Variants in CERT1 observed in about 807,000 individuals in gnomAD.
The protein encoded by CERT1 is ceramide transfer protein.
Under a neutral mutation model 87.9 loss-of-function variants are expected in CERT1, and 31 were observed. The observed-to-expected ratio is 0.35, with a 90% confidence interval of 0.27 to 0.48. CERT1 has a LOEUF of 0.48. CERT1 is among the 20% of genes least tolerant of loss of function. The pLI is 0.99. For missense variants in CERT1, 487 were observed against 758.0 expected (o/e 0.64, Z 4.20); for synonymous variants, 289 against 250.9 (o/e 1.15, Z -1.44).
At chr5:75,472,461 A>C (rs1259574821) in intron 2 of CERT1, among the ~76,000 whole-genome samples, 4 of 152,228 alleles carry the variant, frequency 2.6e-5, no homozygotes, top group African/African-American at 9.6e-5. Flanking sequence ...ACAGCAAAAG[A>C]AGCAATCAAC....
intron 3 of CERT1, among the ~76,000 whole-genome samples, chr5:75,435,060 T>C (rs1764032761): frequency 6.6e-6 from 1 of 152,124 alleles, no homozygotes. Flanking sequence ...CATGGTGATG[T>C]TAGGTTGTAA....
intron 2 of CERT1, among the ~76,000 whole-genome samples, chr5:75,460,551 C>T (rs566645815): frequency 6.6e-6 from 1 of 152,282 alleles, no homozygotes; most frequent in African/African-American, 2.4e-5. Flanking sequence ...GACAGGAATA[C>T]ATCACATTTA....
chr5:75,454,164 G>C (rs1047425498), intron 3 of CERT1, among the ~76,000 whole-genome samples: 2 of 152,112 alleles, frequency 1.3e-5, no homozygotes, highest in African/African-American at 4.8e-5. Flanking sequence ...AGGTTATTTT[G>C]TTGCTTATTT....
chr5:75,381,298 A>G (rs1761575104), intron 15 of CERT1, 97 bp from the exon 16 acceptor site: 7 of 1,338,090 alleles, frequency 5.2e-6, no homozygotes, highest in Non-Finnish European at 7.3e-6. Flanking sequence ...CGTAACTCTT[A>G]AAAGTATCTC....
rs559444789 is a variant in CERT1 at position 75,388,197 on chromosome 5, C to A, written c.1284+1395G>T. Among the ~76,000 whole-genome samples the A allele has an allele frequency of 3.0e-4, 45 of 152,284 alleles. 1 individual carries two copies. In the South Asian group the frequency reaches 8.3e-3, roughly 28 times the overall value. On this transcript the variant is annotated intron_variant, in intron 12 of 16. Coordinates refer to ENST00000643780, the MANE Select transcript of CERT1 (RefSeq NM_001379029.1). ...ATCTCAAACTATTTTCTACAATCAC[C>A]TTATCAGAATTATAGCTAACATTCT...
intron 2 of CERT1, among the ~76,000 whole-genome samples, chr5:75,467,518 G>A (rs1041184392): frequency 3.3e-5 from 5 of 152,130 alleles, no homozygotes; most frequent in East Asian, 3.9e-4. Context: ...GTGCATGCCT[G>A]TAGTCCCAGC....
intron 5 of CERT1, among the ~76,000 whole-genome samples, chr5:75,423,821 CGAGT>C (rs1364217793): frequency 6.6e-6 from 1 of 151,718 alleles, no homozygotes; most frequent in African/African-American, 2.4e-5. Flanking sequence ...AACAAAACCA[CGAGT>C]TATACCTAAG....
At position 75,379,231 on chromosome 5, in the gene CERT1, G is replaced by T; in HGVS notation, c.*115C>A. 1 of 925,350 alleles carries T rather than the reference G, an allele frequency of 1.1e-6. No individual in the cohort carries two copies. The allele number at this position is 925,350 out of a possible 1,614,324, so 57.3% of individuals were successfully genotyped here. A position where few individuals can be genotyped will look rare whatever the true frequency, so the allele number is the denominator to read the frequency against. On this transcript the variant is annotated 3_prime_UTR_variant, in exon 17 of 17. Coordinates refer to ENST00000643780, the MANE Select transcript of CERT1 (RefSeq NM_001379029.1). ...AAACCAACGAAACAATACTCTATAG[G>T]GGAACATCAAAAAACATAGTAAATA...
Position 75,511,129 on chromosome 5 carries a change from A to C in CERT1, c.79T>G (p.Cys27Gly), listed in dbSNP as rs1262018501. 1.3e-6 allele frequency: 2 copies of C among 1,597,204 alleles called. No individual in the cohort carries two copies. Among genetic ancestry groups the C allele is most frequent in the East Asian group, 4.5e-5 (2 of 44,666 alleles). Residue 27 changes from cysteine (C) to glycine (G), a missense_variant, in exon 1 of 17, where the codon TGC (cysteine) becomes GGC (glycine). By Grantham distance (159) the Cys-to-Gly change is radical. Transcript: ENST00000643780. ...ETESGPPVERCGVLSKWTNYI... is the reference protein window; with the variant it reads ...ETESGPPVERGGVLSKWTNYI... ...TTGCTCACCTTACTGAGGACCCCGC[A>C]GCGCTCCACAGGCGGCCCAGACTCC...
chr5:75,505,854 A>G, intron 2 of CERT1, 128 bp downstream of exon 2: 1 of 617,836 alleles, frequency 1.6e-6, no homozygotes, highest in Non-Finnish European at 2.6e-6. Flanking sequence ...AAAGTATTAG[A>G]ATGTATATTC....
At chr5:75,486,817 T>C (rs1419610288) in intron 2 of CERT1, among the ~76,000 whole-genome samples, 1 of 151,976 alleles carries the variant, frequency 6.6e-6, no homozygotes, top group African/African-American at 2.4e-5. Flanking sequence ...AAAACAGCGA[T>C]TCAAGAAACT....
At chr5:75,475,765 T>C (rs959913845) in intron 2 of CERT1, among the ~76,000 whole-genome samples, 7 of 152,108 alleles carry the variant, frequency 4.6e-5, no homozygotes, top group African/African-American at 1.7e-4. Flanking sequence ...TATACAGAAC[T>C]TGCTTATGTT....
chr5:75,413,511 A>C (rs1405699266), intron 7 of CERT1, among the ~76,000 whole-genome samples: 2 of 152,350 alleles, frequency 1.3e-5, no homozygotes, highest in East Asian at 3.9e-4. Flanking sequence ...CAGGAGGCTG[A>C]GGCAGGAGGA....
At chr5:75,409,695 T>C (rs376014886) in intron 8 of CERT1, among the ~76,000 whole-genome samples, 32 of 151,950 alleles carry the variant, frequency 2.1e-4, no homozygotes, top group African/African-American at 7.5e-4. Context: ...CCCGGCTAAT[T>C]TTTGCATTTT....
rs762493715 is a variant in CERT1, at chr5:75,381,218, CA to C, written c.1618-18del. 1 of 1,613,744 alleles carries C rather than the reference CA, an allele frequency of 6.2e-7. No homozygotes were observed. The highest frequency in any genetic ancestry group is 8.5e-7 in the Non-Finnish European group (1 of 1,179,876). The stretch of plus-strand genomic sequence containing the variant: ...GTTGTTTAGCTGCCAAAACAAAAAA[CA>C]AAGCATCAGTAGATACCCAGTATTT... On this transcript the variant is annotated intron_variant, in intron 15 of 16. Transcript: ENST00000643780.
chr5:75,495,927 A>T (rs1203683482), intron 2 of CERT1, among the ~76,000 whole-genome samples: 1 of 152,046 alleles, frequency 6.6e-6, no homozygotes, highest in Non-Finnish European at 1.5e-5. Context: ...TAATAAAAAA[A>T]TTAGCTGAAA....
At chr5:75,420,158 T>C (rs911783124) in intron 5 of CERT1, among the ~76,000 whole-genome samples, 1 of 151,584 alleles carries the variant, frequency 6.6e-6, no homozygotes, top group Non-Finnish European at 1.5e-5. Context: ...TTTGTATTTT[T>C]AGTAGAGAAG....
Position 75,506,038 on chromosome 5 carries a change from C to T in CERT1, c.175G>A (p.Asp59Asn). ...CCTCTGCAGCCATACTCTGTTTCAT[C>T]TTCAGATTTGTAGTAACTCAGAGCA... Reference protein sequence around the residue: ...NNALSYYKSEDETEYGCRGSI... With the variant: ...NNALSYYKSENETEYGCRGSI... The change falls in exon 2 of 17, where the codon GAT (aspartate) becomes AAT (asparagine). Residue 59 changes from aspartate to asparagine, a missense_variant. Asp to Asn is a conservative substitution (Grantham distance 23, BLOSUM62 1). Coordinates refer to ENST00000643780, the MANE Select transcript of CERT1 (RefSeq NM_001379029.1). 1.9e-6 allele frequency: 3 copies of T among 1,613,794 alleles called. No individual in the cohort carries two copies. Among genetic ancestry groups the T allele is most frequent in the Non-Finnish European group, 2.5e-6 (3 of 1,179,726 alleles).
At chr5:75,511,958 T>A, upstream of CERT1, 1 of 754,854 alleles carries the variant, frequency 1.3e-6, no homozygotes. Context: ...TGGGGCCTTG[T>A]CAGTCGGTGG....
Sources: allele counts gnomAD v4.1 joint callset (sites outside exome capture counted in the v4.1 genomes callset), GRCh38; gene constraint gnomAD v4.1.1; transcripts MANE v1.5; gene names NCBI Gene and HGNC (gene_info 2026-07-23, HGNC 2026-07-21).